INPP4B: variants seen among roughly 807,000 people sequenced by gnomAD.
INPP4B encodes the protein inositol polyphosphate 4-phosphatase type II.
Under a neutral mutation model 122.5 loss-of-function variants are expected in INPP4B, and 55 were observed. That is an observed-to-expected ratio of 0.45 (90% CI 0.36 to 0.56). The LOEUF is 0.56. INPP4B is among the 20% of genes least tolerant of loss of function. The pLI is 0.00. For synonymous variants in INPP4B, 403 were observed against 388.7 expected (o/e 1.04, Z -0.43); for missense variants, 1,000 against 1,097.7 (o/e 0.91, Z 1.26).
In INPP4B at chr4:142,219,599, G is replaced by A. The variant is rs149424632; in HGVS notation, c.837-10573C>T. On this transcript the variant is annotated intron_variant, in intron 12 of 25. Transcript: ENST00000262992. ...ACATGCCTTTTCATTCTAAGTAGCC[G>A]TGGAAGTTATGAAACGTACTTAAAA... Among the ~76,000 whole-genome samples the A allele has an allele frequency of 4.8e-3, 727 of 152,276 alleles. 5 individuals are homozygous for A. Among genetic ancestry groups the A allele is most frequent in the African/African-American group, 0.016 (672 of 41,558 alleles).
chr4:142,284,095 C>T (rs1752429836), intron 9 of INPP4B, among the ~76,000 whole-genome samples: 1 of 151,990 alleles, frequency 6.6e-6, no homozygotes, highest in Admixed American at 6.6e-5. Context: ...ATGACAAATG[C>T]TGTTTAGCTG....
At chr4:142,160,038 C>G (rs112882763) in intron 17 of INPP4B, among the ~76,000 whole-genome samples, 257 of 151,966 alleles carry the variant, frequency 1.7e-3, no homozygotes, top group African/African-American at 5.8e-3. Context: ...GTTTTTTATT[C>G]TTTTTCTAAA....
chr4:142,480,857 T>A (rs1820419086), intron 2 of INPP4B, among the ~76,000 whole-genome samples: 1 of 152,002 alleles, frequency 6.6e-6, no homozygotes. Context: ...GTAGCAGAAA[T>A]ATCTTTGGCA....
At position 142,040,461 on chromosome 4, in the gene INPP4B, G is replaced by C. The variant is rs535980710; in HGVS notation, c.2643-11547C>G. Among the ~76,000 whole-genome samples, 14 of 152,302 alleles carry C rather than the reference G, an allele frequency of 9.2e-5. No homozygotes were observed. In the South Asian group the frequency reaches 2.9e-3, roughly 32 times the overall value. Reference sequence around the variant, plus strand: ...CAAGGGAAGACTTGTGGCTGGAGGAGAGCGTAAAATAATAGAGATTGACTT... The same window carrying C: ...CAAGGGAAGACTTGTGGCTGGAGGACAGCGTAAAATAATAGAGATTGACTT... On this transcript the variant is annotated intron_variant, in intron 25 of 25. Coordinates refer to ENST00000262992, the MANE Select transcript of INPP4B (RefSeq NM_001101669.3).
Position 142,288,524 on chromosome 4 carries a change from C to T in INPP4B, c.503+16934G>A, listed in dbSNP as rs553462306. ...GTGTGAACCAGGGAGGCGGAGCTTG[C>T]AGTGAGCTGGGATCGGCCACTGCAC... On this transcript the variant is annotated intron_variant, in intron 9 of 25. Coordinates refer to ENST00000262992, the MANE Select transcript of INPP4B (RefSeq NM_001101669.3). Among the ~76,000 whole-genome samples the T allele has an allele frequency of 1.8e-3, 278 of 152,184 alleles. 1 individual carries two copies. Among genetic ancestry groups the T allele is most frequent in the Non-Finnish European group, 3.3e-3 (225 of 68,002 alleles).
intron 16 of INPP4B, among the ~76,000 whole-genome samples, chr4:142,169,632 T>A (rs1824545170): frequency 6.6e-6 from 1 of 151,662 alleles, no homozygotes; most frequent in Non-Finnish European, 1.5e-5. Flanking sequence ...TATATTGAGG[T>A]TGAAAGAACA....
intron 15 of INPP4B, among the ~76,000 whole-genome samples, chr4:142,174,856 C>G (rs1269759256): frequency 1.3e-5 from 2 of 152,052 alleles, no homozygotes; most frequent in African/African-American, 4.8e-5. Context: ...GTCTTGAATG[C>G]CTAGCCTCGA....
At chr4:142,056,798 T>C (rs1163965919) in intron 25 of INPP4B, among the ~76,000 whole-genome samples, 3 of 152,164 alleles carry the variant, frequency 2.0e-5, no homozygotes, top group Non-Finnish European at 4.4e-5. Context: ...TCCATGGTGA[T>C]AATAGGGTAC....
At position 142,028,767 on chromosome 4, in the gene INPP4B, A is replaced by G. The variant is rs528829111; in HGVS notation, c.*15T>C. 89 of 1,601,876 alleles carry G rather than the reference A, an allele frequency of 5.6e-5. 1 individual carries two copies. In the South Asian group the frequency reaches 9.6e-4, roughly 17 times the overall value. On this transcript the variant is annotated 3_prime_UTR_variant, in exon 26 of 26. Transcript: ENST00000262992. ...AAATGTATTTGTGTTCCTGTTTATT[A>G]ACATGTTGGTAAACTTAGGTGTCAG...
At chr4:142,815,051 AT>A (rs1258896401) in intron 1 of INPP4B, among the ~76,000 whole-genome samples, 2 of 152,128 alleles carry the variant, frequency 1.3e-5, no homozygotes, top group South Asian at 4.1e-4. Context: ...TTTTCATATG[AT>A]GTGAGGAGAC....
chr4:142,588,834 A>T (rs1736814844), intron 2 of INPP4B, among the ~76,000 whole-genome samples: 1 of 151,872 alleles, frequency 6.6e-6, no homozygotes, highest in Admixed American at 6.6e-5. Flanking sequence ...TATCAGCAAC[A>T]GCAACCCGAT....
chr4:142,481,406 G>T (rs766474721), intron 2 of INPP4B, among the ~76,000 whole-genome samples: 3 of 152,046 alleles, frequency 2.0e-5, no homozygotes, highest in Non-Finnish European at 4.4e-5. Flanking sequence ...ACCACTAAAA[G>T]CACCTAACTC....
intron 10 of INPP4B, 101 bp downstream of exon 10, chr4:142,270,562 T>A: frequency 2.5e-6 from 2 of 792,616 alleles, no homozygotes; most frequent in Admixed American, 2.0e-5. Context: ...TAGGTTTTGA[T>A]AATGAGATTT....
chr4:142,399,903 G>A (rs1184328863), intron 7 of INPP4B, among the ~76,000 whole-genome samples: 10 of 152,066 alleles, frequency 6.6e-5, no homozygotes, highest in Admixed American at 6.5e-4. Context: ...ACTTATGGCA[G>A]TGAATGGGAA....
rs1397831117 is a variant in INPP4B, at chr4:142,026,659, G to T, written c.*2123C>A. 6.6e-6 allele frequency: 1 copy of T among 152,140 alleles called. No individual in the cohort carries two copies. Among genetic ancestry groups the T allele is most frequent in the Non-Finnish European group, 1.5e-5 (1 of 68,054 alleles). 9.4% of individuals were successfully genotyped at this position (152,140 alleles called of 1,614,324 possible). A position where few individuals can be genotyped will look rare whatever the true frequency, so the allele number is the denominator to read the frequency against. The stretch of plus-strand genomic sequence containing the variant: ...TTTTTGTATCTTTAGTAGAGATGGG[G>T]TTTCACCATGTTGGCCAGGCTGATC... On this transcript the variant is annotated 3_prime_UTR_variant, in exon 26 of 26. Transcript: ENST00000262992.
chr4:142,558,658 G>C (rs956130089), intron 2 of INPP4B, among the ~76,000 whole-genome samples: 20 of 151,546 alleles, frequency 1.3e-4, no homozygotes, highest in African/African-American at 3.1e-4. Context: ...TGGGTGTTGG[G>C]GGGGCAGTGT....
rs191581403 is a variant in INPP4B at position 142,283,081 on chromosome 4, G to C, written c.504-12307C>G. 4.6e-5 allele frequency among the ~76,000 whole-genome samples: 7 copies of C among 152,138 alleles called. No homozygotes were observed. In the East Asian group the frequency reaches 1.2e-3, roughly 25 times the overall value. The stretch of plus-strand genomic sequence containing the variant: ...CAGAGAGGATCATGAAGATGAGTTT[G>C]GAGAAATTAGGAGGAAGAGGAGATG... On this transcript the variant is annotated intron_variant, in intron 9 of 25. Coordinates refer to ENST00000262992, the MANE Select transcript of INPP4B (RefSeq NM_001101669.3).
intron 2 of INPP4B, among the ~76,000 whole-genome samples, chr4:142,494,805 G>A (rs552285997): frequency 9.9e-5 from 15 of 152,058 alleles, no homozygotes; most frequent in African/African-American, 3.4e-4. Context: ...GGACACCTCC[G>A]TCCCAAATTC....
intron 3 of INPP4B, among the ~76,000 whole-genome samples, chr4:142,452,512 G>A (rs1429212855): frequency 3.3e-5 from 5 of 152,076 alleles, no homozygotes; most frequent in African/African-American, 1.2e-4. Flanking sequence ...AAAATACGGG[G>A]GTAAAATGTT....
Sources: gnomAD v4.1 joint callset for allele counts (sites outside exome capture counted in the v4.1 genomes callset) on GRCh38, gnomAD v4.1.1 for gene constraint, MANE v1.5 for transcripts, NCBI Gene and HGNC (gene_info 2026-07-23, HGNC 2026-07-21) for gene names.